The following ACBD4 variants were observed in gnomAD, a reference collection of about 807,000 sequenced individuals.
The protein encoded by ACBD4 is acyl-CoA binding domain containing 4, also known as acyl-CoA-binding domain-containing protein 4.
ACBD4 carries 41 observed loss-of-function variants against 46.0 expected under a neutral mutation model. The observed-to-expected ratio is 0.89, with a 90% CI of 0.69 to 1.16. ACBD4 has a LOEUF of 1.16. ACBD4 is among the 50% of genes most tolerant of loss of function. The pLI, the probability that ACBD4 is intolerant of heterozygous loss-of-function variation, is 0.00. For missense variants in ACBD4, 393 were observed against 399.5 expected, an observed-to-expected ratio of 0.98 and a Z score of 0.14; for synonymous variants, 162 against 155.9, an observed-to-expected ratio of 1.04 and a Z score of -0.29.
intron 9 of ACBD4, among the ~76,000 whole-genome samples, chr17:45,141,242 T>C (rs2055251804): frequency 6.6e-6 from 1 of 152,156 alleles, no homozygotes; most frequent in African/African-American, 2.4e-5. Context: ...TCTAGCCCAG[T>C]CCTTCTCCTT....
chr17:45,133,520 C>CTTTT (rs10569248), upstream of ACBD4, among the ~76,000 whole-genome samples: 12 of 73,844 alleles, frequency 1.6e-4, no homozygotes, highest in Admixed American at 3.6e-4. Flanking sequence ...CCTGAATTTT[C>CTTTT]TTTTTTTTTT....
Position 45,135,767 on chromosome 17 carries a change from G to A in ACBD4, c.-224G>A, listed in dbSNP as rs2054779922. 5.9e-6 allele frequency: 1 copy of A among 169,488 alleles called. No individual in the cohort carries two copies. Among genetic ancestry groups the A allele is most frequent in the Admixed American group, 6.0e-5 (1 of 16,600 alleles). 10.5% of individuals were successfully genotyped at this position (169,488 alleles called of 1,614,324 possible). On this transcript the variant is annotated 5_prime_UTR_variant, in exon 1 of 10. In the 5' UTR this introduces an upstream ATG that the reference lacks. Coordinates refer to ENST00000321854, the MANE Select transcript of ACBD4 (RefSeq NM_001135705.3). ...GCCGCGGGGCACACGCTGGGCCAAG[G>A]TGCAGGCGGCCAGGGTGGGAGACTG...
In ACBD4 at chr17:45,136,695, C is replaced by T. The variant is rs769140008; in HGVS notation, c.213C>T (p.Asp71=). ...TCTCACAGCCCTCTGCCCCCAGGGA[C>T]GCCTGGAACAGTCTGGGCAAGATGA... ...FWDPIGRYKW[D]AWNSLGKMSR... Residue 71 remains aspartate (D), a synonymous_variant, in exon 4 of 10, where the codon GAC becomes GAT. Transcript: ENST00000321854. 6.2e-6 allele frequency: 10 copies of T among 1,613,980 alleles called. No homozygotes were observed. The highest frequency in any genetic ancestry group is 1.7e-4 in the Middle Eastern group (1 of 6,030).
At chr17:45,137,478 G>A (rs1436811966) in intron 6 of ACBD4, 24 bp downstream of exon 6, 1 of 1,613,220 alleles carries the variant, frequency 6.2e-7, no homozygotes, top group African/African-American at 1.3e-5. Context: ...CAGGAGGGGT[G>A]GACCAAACTC....
upstream of ACBD4, chr17:45,135,682 G>C (rs1202577183): frequency 1.3e-5 from 2 of 157,086 alleles, no homozygotes; most frequent in African/African-American, 4.8e-5. Context: ...CTGGACCCCG[G>C]GGTCAGTAGG....
At chr17:45,132,325 G>A (rs1381714692), upstream of ACBD4, 11 of 1,240,594 alleles carry the variant, frequency 8.9e-6, no homozygotes, top group Non-Finnish European at 1.1e-5. This position sits in a 1 kb window ranked among gnomAD's most constrained non-coding sequence, Gnocchi z 4.6. Flanking sequence ...GAGAGCGACC[G>A]GCGCCGCGAC....
chr17:45,131,799 G>A (rs1598041549), upstream of ACBD4, among the ~76,000 whole-genome samples: 1 of 152,204 alleles, frequency 6.6e-6, no homozygotes, highest in Non-Finnish European at 1.5e-5. Flanking sequence ...GTGGGGCCGC[G>A]GCTTGGAGGG....
At chr17:45,133,001 G>A (rs1278113190), upstream of ACBD4, 1 of 152,410 alleles carries the variant, frequency 6.6e-6, no homozygotes, top group Non-Finnish European at 1.5e-5. Flanking sequence ...GGTTGGCAGT[G>A]ACGTCATAGG....
In ACBD4 at chr17:45,139,059, G is replaced by C; in HGVS notation, c.688G>C (p.Asp230His). 6.2e-7 allele frequency: 1 copy of C among 1,613,832 alleles called. No homozygotes were observed. The highest frequency in any genetic ancestry group is 8.5e-7 in the Non-Finnish European group (1 of 1,180,030). Residue 230 changes from aspartate to histidine, a missense_variant, in exon 9 of 10, where the codon GAC becomes CAC. Physicochemically the swap from Asp to His is moderately conservative, Grantham distance 81. This residue lies in a region of ACBD4 where 308 missense variants were observed against 301.8 expected (regional missense o/e 1.02). Coordinates refer to ENST00000321854, the MANE Select transcript of ACBD4 (RefSeq NM_001135705.3). Reference sequence around the variant, plus strand: ...CAGCCCGCCGGGGCCCCAGGAGTTGGACGTGTGGCTGCTGGGGACAGTTCG... The same window carrying C: ...CAGCCCGCCGGGGCCCCAGGAGTTGCACGTGTGGCTGCTGGGGACAGTTCG... ...RGSPPGPQEL[D>H]VWLLGTVRAL...
At chr17:45,132,593 G>C (rs1461597329), upstream of ACBD4, 1 of 260,216 alleles carries the variant, frequency 3.8e-6, no homozygotes, top group Admixed American at 5.5e-5. The surrounding 1 kb of genome is among the most constrained non-coding windows in gnomAD (Gnocchi z 4.6). Context: ...AAGGGGGCGG[G>C]GCCGGGGCGG....
chr17:45,139,673 C>G (rs1460986166), intron 9 of ACBD4, among the ~76,000 whole-genome samples: 3 of 152,230 alleles, frequency 2.0e-5, no homozygotes, highest in African/African-American at 7.2e-5. Context: ...CATCTTCCCA[C>G]TGAATCCACA....
chr17:45,132,408 C>T, upstream of ACBD4: 2 of 1,217,848 alleles, frequency 1.6e-6, no homozygotes, highest in Non-Finnish European at 2.0e-6. The surrounding 1 kb of genome is among the most constrained non-coding windows in gnomAD (Gnocchi z 4.6). Flanking sequence ...GGCCGCACAG[C>T]ATGGCTTGGC....
chr17:45,143,652 T>G lies in ACBD4; in HGVS notation c.*81T>G. 6.2e-7 allele frequency: 1 copy of G among 1,608,722 alleles called. No homozygotes were observed. The highest frequency in any genetic ancestry group is 8.5e-7 in the Non-Finnish European group (1 of 1,176,562). On this transcript the variant is annotated 3_prime_UTR_variant, in exon 10 of 10. Transcript: ENST00000321854. ...CTTCCTAGGGTTTAGAAGAACAGCA[T>G]TCAAAATTCCCCGTCCTGTCAGTGT...
At chr17:45,138,078 A>C in intron 8 of ACBD4, 90 bp downstream of exon 8, 5 of 1,328,848 alleles carry the variant, frequency 3.8e-6, no homozygotes, top group Non-Finnish European at 5.3e-6. Context: ...CCTAGGGCAG[A>C]GTTGAAAGTC....
At chr17:45,135,298 C>G (rs1188672531), upstream of ACBD4, 1 of 152,212 alleles carries the variant, frequency 6.6e-6, no homozygotes, top group South Asian at 2.1e-4. Context: ...TGTCCTTCCT[C>G]TAGAACACCT....
intron 9 of ACBD4, among the ~76,000 whole-genome samples, chr17:45,140,898 A>C (rs1419079017): frequency 6.6e-6 from 1 of 152,234 alleles, no homozygotes. Context: ...CTGTAATCCC[A>C]GCTACTCAGG....
At chr17:45,138,021 G>C (rs1210262593) in intron 8 of ACBD4, 33 bp downstream of exon 8, 12 of 1,591,074 alleles carry the variant, frequency 7.5e-6, no homozygotes, top group Non-Finnish European at 1.0e-5. Flanking sequence ...ACCCACTTCT[G>C]CCCTTTCCCG....
upstream of ACBD4, among the ~76,000 whole-genome samples, chr17:45,132,836 CCCT>C (rs2054516807): frequency 6.6e-6 from 1 of 152,182 alleles, no homozygotes; most frequent in African/African-American, 2.4e-5. This position sits in a 1 kb window ranked among gnomAD's most constrained non-coding sequence, Gnocchi z 4.6. Flanking sequence ...ACGCAGGACC[CCCT>C]CCTCCTTCCC....
chr17:45,137,495 G>C, intron 6 of ACBD4, 41 bp downstream of exon 6: 1 of 1,605,376 alleles, frequency 6.2e-7, no homozygotes, highest in Non-Finnish European at 8.5e-7. Context: ...ACTCAGGCTG[G>C]GGGAGGGCTG....
Sources: allele counts gnomAD v4.1 joint callset (sites outside exome capture counted in the v4.1 genomes callset), GRCh38; gene constraint gnomAD v4.1.1; regional missense constraint gnomAD v4.1.1; non-coding constraint Gnocchi (gnomAD v3.1); transcripts MANE v1.5; gene names NCBI Gene and HGNC (gene_info 2026-07-23, HGNC 2026-07-21).